ARHGEF10: variants seen among roughly 807,000 people sequenced by gnomAD.
ARHGEF10 encodes the protein Rho guanine nucleotide exchange factor (GEF) 10.
ARHGEF10 carries 140 observed loss-of-function variants against 147.4 expected under a neutral mutation model. The observed-to-expected ratio is 0.95, with a 90% CI of 0.83 to 1.09. ARHGEF10 has a LOEUF of 1.09. ARHGEF10 is among the 50% of genes least tolerant of loss of function. The probability of loss-of-function intolerance (pLI) is 0.00; values close to 1 mark genes in which losing one functional copy is unlikely to be tolerated. For missense variants in ARHGEF10, 2,222 were observed against 1,752.7 expected, an observed-to-expected ratio of 1.27 and a Z score of -4.78; for synonymous variants, 902 against 695.8, an observed-to-expected ratio of 1.30 and a Z score of -4.67.
Position 1,885,635 on chromosome 8 carries a change from G to T in ARHGEF10, c.1110G>T (p.Leu370Phe), listed in dbSNP as rs9657362. The change falls in exon 11 of 29, where the codon TTG (leucine) becomes TTT (phenylalanine). Residue 370 changes from leucine (L) to phenylalanine (F), a missense_variant. Transcript: ENST00000349830. The part of the protein sequence containing the change: ...HRSSLEEEQN[L>F]FIDVDCKHPE... ...CTTCTCTTGAGGAAGAACAGAATTT[G>T]TTCATTGATGTTGACTGCAAGCACC... The T allele has an allele frequency of 3.1e-6, 5 of 1,613,558 alleles. No homozygotes were observed. Among genetic ancestry groups the T allele is most frequent in the Non-Finnish European group, 4.2e-6 (5 of 1,179,868 alleles).
chr8:1,869,722 A>G, intron 7 of ARHGEF10: 1 of 244,756 alleles, frequency 4.1e-6, no homozygotes, highest in Non-Finnish European at 8.1e-6. Context: ...GGCCGATGCA[A>G]TGGAGGCCGC....
chr8:1,871,508 A>G (rs1014734507), intron 7 of ARHGEF10, among the ~76,000 whole-genome samples: 3 of 152,230 alleles, frequency 2.0e-5, no homozygotes, highest in Non-Finnish European at 4.4e-5. Context: ...CTAAGGAATT[A>G]TAGACATAAT....
chr8:1,879,007 C>G (rs533633468), intron 8 of ARHGEF10, among the ~76,000 whole-genome samples: 31 of 152,264 alleles, frequency 2.0e-4, no homozygotes, highest in African/African-American at 6.5e-4. Flanking sequence ...TTAGGCCTGT[C>G]CAGGATGGAA....
intron 1 of ARHGEF10, among the ~76,000 whole-genome samples, chr8:1,834,793 A>G (rs1256281959): frequency 6.6e-6 from 1 of 152,166 alleles, no homozygotes; most frequent in African/African-American, 2.4e-5. Flanking sequence ...GAACCTTATG[A>G]ATGTGAAATC....
chr8:1,829,030 C>G (rs1184210705), intron 1 of ARHGEF10, among the ~76,000 whole-genome samples: 1 of 152,222 alleles, frequency 6.6e-6, no homozygotes, highest in African/African-American at 2.4e-5. Flanking sequence ...CGGACACGGA[C>G]GGGGAGTCCT....
rs77159763 is a variant in ARHGEF10 at position 1,840,544 on chromosome 8, G to T, written c.-47-2809G>T. ...AATCTGTCCGGTGTGGGGACTGTCC[G>T]GTGTGGAAGCTGTCTGATATGGGGA... On this transcript the variant is annotated intron_variant, in intron 1 of 28. Coordinates refer to ENST00000349830, the MANE Select transcript of ARHGEF10 (RefSeq NM_014629.4). Among the ~76,000 whole-genome samples the T allele has an allele frequency of 4.7e-3, 614 of 129,550 alleles. 51 individuals are homozygous for T. The highest frequency in any genetic ancestry group is 0.012 in the Admixed American group (143 of 11,606). The allele number at this position is 129,550 out of a possible 152,430, so 85.0% of individuals were successfully genotyped here.
At chr8:1,891,515 C>T (rs993190439) in intron 11 of ARHGEF10, among the ~76,000 whole-genome samples, 11 of 152,180 alleles carry the variant, frequency 7.2e-5, no homozygotes, top group African/African-American at 1.2e-4. Flanking sequence ...TCCCCATTCC[C>T]GGTGAGGACA....
intron 9 of ARHGEF10, among the ~76,000 whole-genome samples, chr8:1,882,427 C>A (rs966362267): frequency 6.6e-6 from 1 of 152,188 alleles, no homozygotes. Flanking sequence ...ACATGTTTCA[C>A]CATGTCCAGG....
intron 2 of ARHGEF10, among the ~76,000 whole-genome samples, chr8:1,857,274 G>T (rs1805620457): frequency 6.6e-6 from 1 of 152,146 alleles, no homozygotes; most frequent in East Asian, 1.9e-4. Flanking sequence ...GAGATGCAAG[G>T]TGTCAGAAGT....
At position 1,957,544 on chromosome 8, in the gene ARHGEF10, G is replaced by T. The variant is rs1467232149; in HGVS notation, c.*281G>T. Reference sequence around the variant, plus strand: ...TCTGGGAAAATACCACATTCTTTTTGACTGCTGTAGTCCATATGTGAATAC... The same window carrying T: ...TCTGGGAAAATACCACATTCTTTTTTACTGCTGTAGTCCATATGTGAATAC... On this transcript the variant is annotated 3_prime_UTR_variant, in exon 29 of 29. Coordinates refer to ENST00000349830, the MANE Select transcript of ARHGEF10 (RefSeq NM_014629.4). 1.8e-6 allele frequency: 1 copy of T among 549,342 alleles called. No homozygotes were observed. The highest frequency in any genetic ancestry group is 3.3e-6 in the Non-Finnish European group (1 of 307,378). 34.0% of individuals were successfully genotyped at this position (549,342 alleles called of 1,614,324 possible). A position where few individuals can be genotyped will look rare whatever the true frequency, so the allele number is the denominator to read the frequency against.
intron 10 of ARHGEF10, among the ~76,000 whole-genome samples, chr8:1,883,134 G>T (rs1013117684): frequency 6.6e-6 from 1 of 152,144 alleles, no homozygotes; most frequent in Non-Finnish European, 1.5e-5. Flanking sequence ...TGGCATTTCA[G>T]GAATCTTTTC....
intron 2 of ARHGEF10, among the ~76,000 whole-genome samples, chr8:1,849,150 TAAGAA>T (rs1804778215): frequency 6.6e-6 from 1 of 152,224 alleles, no homozygotes; most frequent in South Asian, 2.1e-4. Context: ...TTTTGCTCAT[TAAGAA>T]AAGAGCACTT....
At chr8:1,827,978 G>C (rs1351199334) in intron 1 of ARHGEF10, among the ~76,000 whole-genome samples, 1 of 152,186 alleles carries the variant, frequency 6.6e-6, no homozygotes, top group Non-Finnish European at 1.5e-5. Flanking sequence ...GGCTGCATCA[G>C]CATTGGCTAG....
At chr8:1,897,342 A>G (rs1563251963) in intron 14 of ARHGEF10, among the ~76,000 whole-genome samples, 1 of 152,154 alleles carries the variant, frequency 6.6e-6, no homozygotes, top group Non-Finnish European at 1.5e-5. Flanking sequence ...ATCGGATCGC[A>G]GTTCCCACTC....
intron 18 of ARHGEF10, among the ~76,000 whole-genome samples, chr8:1,914,565 G>C (rs1290507082): frequency 6.6e-6 from 1 of 152,250 alleles, no homozygotes; most frequent in Non-Finnish European, 1.5e-5. Flanking sequence ...ACTTCGTTTT[G>C]AAGGTGAGAG....
At chr8:1,844,465 T>TCACCGG (rs1329433075) in intron 2 of ARHGEF10, among the ~76,000 whole-genome samples, 11 of 151,442 alleles carry the variant, frequency 7.3e-5, no homozygotes, top group South Asian at 4.2e-4. Context: ...AATCCAGGGG[T>TCACCGG]GAGCAGTGGC....
rs1815641226 is a variant in ARHGEF10, at chr8:1,957,110, A to G, written c.3882A>G (p.Lys1294=). The G allele has an allele frequency of 6.2e-7, 1 of 1,613,050 alleles. No homozygotes were observed. The highest frequency in any genetic ancestry group is 1.3e-5 in the African/African-American group (1 of 74,928). Residue 1294 remains lysine (K), a synonymous_variant, in exon 29 of 29, where the codon AAA becomes AAG. Transcript: ENST00000349830. The part of the protein sequence containing the change: ...LLKDPVSLRS[K]ARRAKKAKAS... Reference sequence around the variant, plus strand: ...AGGATCCTGTCTCGCTGAGAAGCAAAGCACGCCGGGCCAAGAAAGCCAAGG... The same window carrying G: ...AGGATCCTGTCTCGCTGAGAAGCAAGGCACGCCGGGCCAAGAAAGCCAAGG...
rs565133516 is a variant in ARHGEF10, at chr8:1,917,416, G to A, written c.2144-5548G>A. Reference sequence around the variant, plus strand: ...GGAGAGGCTTTAAGATGCTGTGAGGGTGCCCCTTGAACCCAGGCATGGAGG... The same window carrying A: ...GGAGAGGCTTTAAGATGCTGTGAGGATGCCCCTTGAACCCAGGCATGGAGG... On this transcript the variant is annotated intron_variant, in intron 18 of 28. Coordinates refer to ENST00000349830, the MANE Select transcript of ARHGEF10 (RefSeq NM_014629.4). Among the ~76,000 whole-genome samples, 5 of 152,308 alleles carry A rather than the reference G, an allele frequency of 3.3e-5. No homozygotes were observed. The South Asian group carries it at 6.2e-4, about 19-fold the overall frequency.
chr8:1,881,729 C>T (rs1174150287), intron 9 of ARHGEF10, among the ~76,000 whole-genome samples: 1 of 152,186 alleles, frequency 6.6e-6, no homozygotes, highest in Non-Finnish European at 1.5e-5. Flanking sequence ...AGGGCTACAG[C>T]GACGCTGTCT....
Sources: allele counts gnomAD v4.1 joint callset (sites outside exome capture counted in the v4.1 genomes callset), GRCh38; gene constraint gnomAD v4.1.1; transcripts MANE v1.5; gene names NCBI Gene and HGNC (gene_info 2026-07-23, HGNC 2026-07-21).